The following DEF6 variants were observed in gnomAD, a reference collection of about 807,000 sequenced individuals.
DEF6 encodes the protein differentially expressed in FDCP 6 homolog.
In DEF6, 32 loss-of-function variants were observed where a neutral mutation model predicts 80.5. The observed-to-expected ratio is 0.40, with a 90% CI of 0.30 to 0.53. DEF6 has a LOEUF of 0.53. Among genes scored for constraint, DEF6 ranks in the 20% least tolerant of loss-of-function variants. The pLI, the probability that DEF6 is intolerant of heterozygous loss-of-function variation, is 0.57. For synonymous variants in DEF6, 300 were observed against 337.9 expected, an observed-to-expected ratio of 0.89 and a Z score of 1.23; for missense variants, 575 against 818.7, an observed-to-expected ratio of 0.70 and a Z score of 3.63.
rs149896085 is a variant in DEF6 at position 35,308,201 on chromosome 6, G to A, written c.97-1469G>A. Among the ~76,000 whole-genome samples the A allele has an allele frequency of 1.3e-3, 196 of 152,202 alleles. 1 individual carries two copies. The highest frequency in any genetic ancestry group is 4.4e-3 in the African/African-American group (184 of 41,524). On this transcript the variant is annotated intron_variant, in intron 1 of 10. Coordinates refer to ENST00000316637, the MANE Select transcript of DEF6 (RefSeq NM_022047.4). ...GAAAAACAGGCTTAATAATATTTGC[G>A]TATATAGGTGATTGTGAAGACTAGA...
intron 1 of DEF6, among the ~76,000 whole-genome samples, chr6:35,299,942 C>G (rs1361563586): frequency 6.6e-6 from 1 of 152,084 alleles, no homozygotes; most frequent in African/African-American, 2.4e-5. Context: ...AGGAAGCAGA[C>G]GAGAGAGTTA....
At chr6:35,304,209 T>C (rs1027074381) in intron 1 of DEF6, among the ~76,000 whole-genome samples, 4 of 152,192 alleles carry the variant, frequency 2.6e-5, no homozygotes, top group South Asian at 2.1e-4. Flanking sequence ...CAGTTCCAGC[T>C]ACTCAGGAGG....
At chr6:35,299,735 C>T (rs1048890491) in intron 1 of DEF6, among the ~76,000 whole-genome samples, 1 of 152,082 alleles carries the variant, frequency 6.6e-6, no homozygotes, top group Non-Finnish European at 1.5e-5. Flanking sequence ...TCCTACTTGA[C>T]AGAAAACTTG....
At chr6:35,315,403 T>G (rs1791513560) in intron 5 of DEF6, among the ~76,000 whole-genome samples, 1 of 152,148 alleles carries the variant, frequency 6.6e-6, no homozygotes, top group African/African-American at 2.4e-5. Context: ...AGCTTCGTTC[T>G]TTTTACTCAG....
Position 35,309,747 on chromosome 6 carries a change from T to C in DEF6, c.174T>C (p.Asp58=), listed in dbSNP as rs762040643. ...PVALEEHFRD[D]DDGPVSSQGY... is the part of the protein sequence containing the mutation. Reference sequence around the variant, plus strand: ...CCCTGGAGGAACACTTCCGAGATGATGATGACGGCCCTGTGTCCAGCCAGG... The same window carrying C: ...CCCTGGAGGAACACTTCCGAGATGACGATGACGGCCCTGTGTCCAGCCAGG... The change falls in exon 2 of 11, where the codon GAT becomes GAC. Residue 58 remains aspartate (D), a synonymous_variant. Transcript: ENST00000316637. 2 of 1,614,054 alleles carry C rather than the reference T, an allele frequency of 1.2e-6. No homozygotes were observed. The highest frequency in any genetic ancestry group is 1.7e-6 in the Non-Finnish European group (2 of 1,179,996).
At chr6:35,308,203 A>G (rs1476825409) in intron 1 of DEF6, among the ~76,000 whole-genome samples, 1 of 152,134 alleles carries the variant, frequency 6.6e-6, no homozygotes, top group African/African-American at 2.4e-5. Flanking sequence ...ATATTTGCGT[A>G]TATAGGTGAT....
intron 1 of DEF6, among the ~76,000 whole-genome samples, chr6:35,302,815 G>C (rs1184014514): frequency 6.6e-6 from 1 of 152,184 alleles, no homozygotes; most frequent in Non-Finnish European, 1.5e-5. Context: ...GGGTGATTGT[G>C]GTGCTCAGCC....
rs541231429 is a variant in DEF6, at chr6:35,319,349, C to G, written c.1216-175C>G. Among the ~76,000 whole-genome samples, 12 of 152,076 alleles carry G rather than the reference C, an allele frequency of 7.9e-5. No individual in the cohort carries two copies. The highest frequency in any genetic ancestry group is 2.7e-4 in the African/African-American group (11 of 41,438). On this transcript the variant is annotated intron_variant, in intron 7 of 10. Transcript: ENST00000316637. This position sits in a 1 kb window ranked among gnomAD's most constrained non-coding sequence, Gnocchi z 4.5. ...CCCCACGTGGCATCTGTTCACCGAC[C>G]ATTATCTGTTCCAGTCAGGCTCTCA...
At chr6:35,317,837 T>G (rs1582234006) in intron 5 of DEF6, 54 bp from the exon 6 acceptor site, 6 of 1,517,464 alleles carry the variant, frequency 4.0e-6, no homozygotes, top group Non-Finnish European at 9.0e-7. Context: ...TTGGGGCAGG[T>G]GGGGCCCTGA....
chr6:35,310,985 T>C (rs1036371981), intron 3 of DEF6, among the ~76,000 whole-genome samples: 8 of 152,344 alleles, frequency 5.3e-5, no homozygotes, highest in Admixed American at 2.6e-4. Context: ...TGCTTTTTTT[T>C]CCTTTACCTT....
At chr6:35,309,845 C>T (rs946066315) in intron 2 of DEF6, 35 bp downstream of exon 2, 1 of 1,609,772 alleles carries the variant, frequency 6.2e-7, no homozygotes, top group Non-Finnish European at 8.5e-7. Context: ...TCTGTAACCT[C>T]TCCCCACTTT....
chr6:35,310,722 CT>C, intron 3 of DEF6, 78 bp downstream of exon 3: 1 of 1,416,990 alleles, frequency 7.1e-7, no homozygotes, highest in Non-Finnish European at 9.9e-7. Context: ...ACCAAACCAC[CT>C]TTGGTGCCTT....
chr6:35,305,331 A>T lies in DEF6; in HGVS notation c.97-4339A>T, dbSNP rs545872163. Among the ~76,000 whole-genome samples, 7 of 150,696 alleles carry T rather than the reference A, an allele frequency of 4.6e-5. No individual in the cohort carries two copies. The South Asian group carries it at 8.4e-4, about 18-fold the overall frequency. On this transcript the variant is annotated intron_variant, in intron 1 of 10. Transcript: ENST00000316637. ...CGGCTAATTTTGGTATTACAAAAAA[A>T]TTTTTTAACTTAGCTGAGCATGGTG... is the stretch of plus-strand genomic sequence containing the variant.
chr6:35,304,137 AAAAG>A (rs1252921716), intron 1 of DEF6, among the ~76,000 whole-genome samples: 1 of 152,094 alleles, frequency 6.6e-6, no homozygotes, highest in Non-Finnish European at 1.5e-5. Context: ...CATTGCAAAA[AAAAG>A]AAAACACACA....
intron 10 of DEF6, 36 bp downstream of exon 10, chr6:35,321,010 C>G: frequency 6.2e-7 from 1 of 1,607,272 alleles, no homozygotes. Flanking sequence ...TTCCCTGGAG[C>G]TGGGAGGGAG....
rs9296146 is a variant in DEF6 at position 35,321,247 on chromosome 6, G to A, written c.1733G>A (p.Arg578His). Residue 578 changes from arginine to histidine, a missense_variant, in exon 11 of 11, where the codon CGT (arginine) becomes CAT (histidine). Transcript: ENST00000316637. ...SGFQPPLLAH[R>H]DSSLKRLTRW... ...TTCCAGCCCCCTCTGCTTGCCCACC[G>A]TGACTCCTCCCTAAAGCGCCTGACC... is the stretch of plus-strand genomic sequence containing the variant. 8,997 of 1,613,412 alleles carry A rather than the reference G, an allele frequency of 5.6e-3. 468 individuals are homozygous for A. The African/African-American group carries it at 0.1, about 18-fold the overall frequency.
At position 35,321,331 on chromosome 6, in the gene DEF6, C is replaced by T. The variant is rs376766107; in HGVS notation, c.1817C>T (p.Ser606Phe). The T allele has an allele frequency of 8.7e-6, 14 of 1,614,042 alleles. No individual in the cohort carries two copies. In the African/African-American group the frequency reaches 1.7e-4, roughly 20 times the overall value. The change falls in exon 11 of 11, where the codon TCC becomes TTC. Residue 606 changes from serine (S) to phenylalanine (F), a missense_variant. Transcript: ENST00000316637. ...PSPNSNEQQK[S>F]LNGGDEAPAP... ...CCCAACAGCAATGAGCAGCAGAAGT[C>T]CCTCAATGGTGGGGATGAGGCTCCT...
intron 1 of DEF6, 87 bp downstream of exon 1, chr6:35,298,039 A>G: frequency 8.5e-7 from 1 of 1,174,176 alleles, no homozygotes; most frequent in Non-Finnish European, 1.2e-6. Flanking sequence ...ACACTGTGCC[A>G]CTCCAGGGGC....
chr6:35,317,736 T>A, intron 5 of DEF6, 155 bp from the exon 6 acceptor site: 850 of 501,534 alleles, frequency 1.7e-3, no homozygotes, highest in Middle Eastern at 6.8e-3. Flanking sequence ...AAGTCCCCCA[T>A]AACTTATGAT....
Sources: allele counts gnomAD v4.1 joint callset (sites outside exome capture counted in the v4.1 genomes callset), GRCh38; gene constraint gnomAD v4.1.1; non-coding constraint Gnocchi (gnomAD v3.1); transcripts MANE v1.5; gene names NCBI Gene and HGNC (gene_info 2026-07-23, HGNC 2026-07-21).